Variants in PLAG1 observed in about 807,000 individuals in gnomAD.
PLAG1 encodes the protein PLAG1 zinc finger.
PLAG1 carries 7 observed loss-of-function variants against 35.5 expected under a neutral mutation model. That is an observed-to-expected ratio of 0.20 (90% CI 0.11 to 0.37). The LOEUF (loss-of-function observed/expected upper bound fraction) is 0.37, where lower values mean the gene tolerates loss of function less well. PLAG1 is among the 10% of genes least tolerant of loss of function. The pLI is 1.00. For synonymous variants in PLAG1, 229 were observed against 225.4 expected (o/e 1.02, Z -0.14); for missense variants, 454 against 602.8 (o/e 0.75, Z 2.58).
rs1811310428 is a variant in PLAG1, at chr8:56,164,963, G to C, written c.*1280C>G. On this transcript the variant is annotated 3_prime_UTR_variant, in exon 5 of 5. Coordinates refer to ENST00000316981, the MANE Select transcript of PLAG1 (RefSeq NM_002655.3). The stretch of plus-strand genomic sequence containing the variant: ...AAACTTTGTGGTAGTTCATCAGGTA[G>C]TTTTCTAATGCATTTAACTTCAAAT... 1 of 207,286 alleles carries C rather than the reference G, an allele frequency of 4.8e-6. No homozygotes were observed. Among genetic ancestry groups the C allele is most frequent in the Non-Finnish European group, 9.8e-6 (1 of 101,676 alleles). The allele number at this position is 207,286 out of a possible 1,614,324, so 12.8% of individuals were successfully genotyped here.
At chr8:56,206,498 T>C (rs1320900942) in intron 1 of PLAG1, among the ~76,000 whole-genome samples, 5 of 151,920 alleles carry the variant, frequency 3.3e-5, no homozygotes, top group Non-Finnish European at 5.9e-5. Flanking sequence ...TTTCAAAAAA[T>C]TTAGGCAATA....
intron 1 of PLAG1, among the ~76,000 whole-genome samples, chr8:56,188,269 G>C (rs1488161133): frequency 6.6e-6 from 1 of 152,172 alleles, no homozygotes; most frequent in East Asian, 1.9e-4. Context: ...CATTTGGTAT[G>C]CGGGGAAGAT....
At chr8:56,205,277 C>A (rs541618559) in intron 1 of PLAG1, among the ~76,000 whole-genome samples, 1 of 151,756 alleles carries the variant, frequency 6.6e-6, no homozygotes, top group Admixed American at 6.6e-5. Context: ...GGACACTTCA[C>A]GAAGACACAC....
rs1259164201 is a variant in PLAG1 at position 56,166,285 on chromosome 8, G to T, written c.1461C>A (p.Ser487Arg). 1 of 1,609,764 alleles carries T rather than the reference G, an allele frequency of 6.2e-7. No homozygotes were observed. Among genetic ancestry groups the T allele is most frequent in the South Asian group, 1.1e-5 (1 of 90,446 alleles). ...SLSAAFTSSL[S>R]TSTTLPRFHQ... ...GGAAACGTGGGAGGGTGGTACTTGTGCTTAAACTGCTGGTGAAAGCTGCTG... is the reference window on the plus strand; with the variant it reads ...GGAAACGTGGGAGGGTGGTACTTGTTCTTAAACTGCTGGTGAAAGCTGCTG... Residue 487 changes from serine (S) to arginine (R), a missense_variant, in exon 5 of 5, where the codon AGC becomes AGA. Physicochemically the swap from Ser to Arg is moderately radical, Grantham distance 110 (BLOSUM62 -1). This residue lies in a region of PLAG1 where 271 missense variants were observed against 315.6 expected (regional missense o/e 0.86). Transcript: ENST00000316981.
chr8:56,196,120 G>A (rs1362637499), intron 1 of PLAG1, among the ~76,000 whole-genome samples: 5 of 152,160 alleles, frequency 3.3e-5, no homozygotes, highest in Non-Finnish European at 5.9e-5. Context: ...AGAACCCCTA[G>A]TAGAACGAGC....
intron 1 of PLAG1, among the ~76,000 whole-genome samples, chr8:56,197,075 T>C (rs1386028806): frequency 6.6e-6 from 1 of 151,846 alleles, no homozygotes; most frequent in Non-Finnish European, 1.5e-5. Flanking sequence ...TCCCCCCAAC[T>C]CTGGGGGTCT....
intron 2 of PLAG1, among the ~76,000 whole-genome samples, chr8:56,176,738 G>C (rs963316818): frequency 6.6e-6 from 1 of 151,870 alleles, no homozygotes; most frequent in Non-Finnish European, 1.5e-5. Flanking sequence ...TAGCCCACAG[G>C]TCAGCTCAAT....
In PLAG1 at chr8:56,168,297, G is replaced by A. The variant is rs1306621744; in HGVS notation, c.-28C>T. On this transcript the variant is annotated 5_prime_UTR_variant, in exon 4 of 5. Transcript: ENST00000316981. ...CAGCCTAAACCAGGCCTTCTTGTTGGACACTTGGGAACTGCCCAACTCCAC... is the reference window on the plus strand; with the variant it reads ...CAGCCTAAACCAGGCCTTCTTGTTGAACACTTGGGAACTGCCCAACTCCAC... 1.3e-6 allele frequency: 2 copies of A among 1,589,652 alleles called. No homozygotes were observed. The highest frequency in any genetic ancestry group is 1.7e-6 in the Non-Finnish European group (2 of 1,166,228).
chr8:56,206,071 A>T (rs996797132), intron 1 of PLAG1, among the ~76,000 whole-genome samples: 5 of 151,052 alleles, frequency 3.3e-5, no homozygotes, highest in African/African-American at 1.2e-4. Context: ...TCTGATAAGC[A>T]TTTTTTTTTA....
At chr8:56,200,299 T>C (rs1812512616) in intron 1 of PLAG1, among the ~76,000 whole-genome samples, 1 of 152,170 alleles carries the variant, frequency 6.6e-6, no homozygotes, top group Non-Finnish European at 1.5e-5. Context: ...TCCAACTGAA[T>C]ATAGAAAAAG....
In PLAG1 at chr8:56,171,078, G is replaced by C. The variant is rs929538332; in HGVS notation, c.-118+13C>G. On this transcript the variant is annotated intron_variant, in intron 3 of 4. Transcript: ENST00000316981. The stretch of plus-strand genomic sequence containing the variant: ...ATGCATAGAATTATAGTGATTTTTA[G>C]TTCAATGCATACCTGATTACTGATG... The C allele has an allele frequency of 2.6e-6, 2 of 755,210 alleles. No homozygotes were observed. Among genetic ancestry groups the C allele is most frequent in the African/African-American group, 3.8e-5 (2 of 52,738 alleles). The allele number at this position is 755,210 out of a possible 1,614,324, so 46.8% of individuals were successfully genotyped here. A position where few individuals can be genotyped will look rare whatever the true frequency, so the allele number is the denominator to read the frequency against.
intron 1 of PLAG1, among the ~76,000 whole-genome samples, chr8:56,182,190 G>A (rs1811889830): frequency 6.6e-6 from 1 of 152,202 alleles, no homozygotes. Flanking sequence ...GAAAGGAAGT[G>A]CTTGTTTGAA....
At chr8:56,183,290 A>G (rs938009945) in intron 1 of PLAG1, among the ~76,000 whole-genome samples, 1 of 152,244 alleles carries the variant, frequency 6.6e-6, no homozygotes, top group Non-Finnish European at 1.5e-5. Flanking sequence ...AAGCAAAAAT[A>G]AAAAATATTT....
chr8:56,181,380 T>C (rs1231603431), intron 1 of PLAG1, among the ~76,000 whole-genome samples: 2 of 152,184 alleles, frequency 1.3e-5, no homozygotes, highest in Admixed American at 6.5e-5. Flanking sequence ...TGGAATACTA[T>C]GCCGCCATAA....
At chr8:56,187,684 T>C (rs372515039) in intron 1 of PLAG1, among the ~76,000 whole-genome samples, 6 of 152,288 alleles carry the variant, frequency 3.9e-5, no homozygotes, top group East Asian at 1.9e-4. Flanking sequence ...CAGGCTCTTA[T>C]ACGGAATCAC....
chr8:56,192,137 T>C (rs970570734), intron 1 of PLAG1, among the ~76,000 whole-genome samples: 9 of 152,150 alleles, frequency 5.9e-5, no homozygotes, highest in Admixed American at 5.9e-4. Context: ...TGGCCCATGG[T>C]GGGGAAAGTG....
intron 1 of PLAG1, among the ~76,000 whole-genome samples, chr8:56,209,772 T>C (rs375221178): frequency 6.6e-6 from 1 of 152,004 alleles, no homozygotes; most frequent in African/African-American, 2.4e-5. Flanking sequence ...CTGAGCACCA[T>C]CACCTCTCTA....
chr8:56,191,069 G>A (rs950672343), intron 1 of PLAG1, among the ~76,000 whole-genome samples: 2 of 152,172 alleles, frequency 1.3e-5, no homozygotes, highest in Admixed American at 6.5e-5. Context: ...AGTGACCAAG[G>A]AGGGCCAAAC....
chr8:56,182,840 G>A (rs1482202334), intron 1 of PLAG1, among the ~76,000 whole-genome samples: 1 of 152,206 alleles, frequency 6.6e-6, no homozygotes, highest in Admixed American at 6.5e-5. Context: ...AAGAATCAGG[G>A]TAGAATGGGA....
Sources: allele counts gnomAD v4.1 joint callset (sites outside exome capture counted in the v4.1 genomes callset), GRCh38; gene constraint gnomAD v4.1.1; regional missense constraint gnomAD v4.1.1; transcripts MANE v1.5; gene names NCBI Gene and HGNC (gene_info 2026-07-23, HGNC 2026-07-21).